Variants in QTGAL observed in about 807,000 individuals in gnomAD.
The protein encoded by QTGAL is BGnT-like protein 1.
At chr17:82,951,869 A>T in the QTGAL span, among the ~76,000 whole-genome samples, 1 of 151,866 alleles carries the variant, frequency 6.6e-6, no homozygotes, top group African/African-American at 2.4e-5. Context: ...AATCAAGTTC[A>T]CTGATTCATA....
chr17:82,951,278 G>A, the QTGAL span, among the ~76,000 whole-genome samples: 1 of 152,184 alleles, frequency 6.6e-6, no homozygotes, highest in Non-Finnish European at 1.5e-5. Context: ...TGTGACCGTA[G>A]CATGATCTTC....
At chr17:83,018,350 A>G in the QTGAL span, among the ~76,000 whole-genome samples, 1 of 152,396 alleles carries the variant, frequency 6.6e-6, no homozygotes, top group South Asian at 2.1e-4. Context: ...CATGTACCAC[A>G]CGTGCTCCGT....
the QTGAL span, among the ~76,000 whole-genome samples, chr17:83,017,239 C>A: frequency 6.6e-6 from 1 of 152,162 alleles, no homozygotes; most frequent in Non-Finnish European, 1.5e-5. Context: ...CACAAAACTA[C>A]AGTCAGGTAA....
At chr17:83,042,293 C>A in the QTGAL span, among the ~76,000 whole-genome samples, 1 of 152,178 alleles carries the variant, frequency 6.6e-6, no homozygotes, top group Non-Finnish European at 1.5e-5. Flanking sequence ...CTTGAACCTA[C>A]TGGGTGGAGG....
the QTGAL span, chr17:82,947,360 GGGA>G: frequency 4.5e-6 from 1 of 221,176 alleles, no homozygotes; most frequent in Non-Finnish European, 8.9e-6. Context: ...GGCCAGGAGT[GGGA>G]GGAGGCCCCT....
At chr17:82,950,221 A>G in the QTGAL span, among the ~76,000 whole-genome samples, 9 of 152,212 alleles carry the variant, frequency 5.9e-5, no homozygotes, top group Non-Finnish European at 1.0e-4. Flanking sequence ...TGTGCAGGAC[A>G]AGGAGGAACC....
the QTGAL span, among the ~76,000 whole-genome samples, chr17:83,039,988 C>T: frequency 6.6e-6 from 1 of 152,184 alleles, no homozygotes; most frequent in African/African-American, 2.4e-5. Flanking sequence ...ACCGTAAACC[C>T]TCAGCCGCTT....
chr17:82,970,789 G>A, the QTGAL span, among the ~76,000 whole-genome samples: 1 of 152,208 alleles, frequency 6.6e-6, no homozygotes, highest in Non-Finnish European at 1.5e-5. Context: ...ATGACATTCT[G>A]GAGACTTGGT....
the QTGAL span, among the ~76,000 whole-genome samples, chr17:82,991,948 A>T: frequency 1.2e-4 from 18 of 152,338 alleles, no homozygotes; most frequent in South Asian, 3.1e-3. Context: ...TTTTAATAGC[A>T]GAATTGATCA....
the QTGAL span, among the ~76,000 whole-genome samples, chr17:83,031,900 G>A: frequency 1.5e-4 from 23 of 152,230 alleles, no homozygotes; most frequent in Non-Finnish European, 2.4e-4. Context: ...AAACCCCAAC[G>A]TCCTTCGAGG....
the QTGAL span, among the ~76,000 whole-genome samples, chr17:83,024,632 C>A: frequency 6.6e-6 from 1 of 152,230 alleles, no homozygotes; most frequent in East Asian, 1.9e-4. Flanking sequence ...GGACTCTGGC[C>A]CAGGGGTGAA....
the QTGAL span, among the ~76,000 whole-genome samples, chr17:82,995,501 G>A: frequency 6.6e-6 from 1 of 151,538 alleles, no homozygotes; most frequent in African/African-American, 2.4e-5. Context: ...TCCTGCCTCA[G>A]CCTCCCAAGT....
chr17:82,948,308 TGG>T, the QTGAL span: 6 of 152,252 alleles, frequency 3.9e-5, no homozygotes, highest in Non-Finnish European at 7.3e-5. Context: ...CCTCTGGCTC[TGG>T]GCATGTTCCT....
the QTGAL span, chr17:83,014,382 A>C: frequency 6.6e-7 from 1 of 1,524,550 alleles, no homozygotes; most frequent in East Asian, 2.3e-5. Context: ...CCCTAGGAAA[A>C]CTCTTTATTT....
At chr17:83,007,272 G>A in the QTGAL span, 10 of 985,186 alleles carry the variant, frequency 1.0e-5, no homozygotes, top group South Asian at 9.4e-5. Context: ...CTCTGGAGCC[G>A]CCGCCCTGCC....
At chr17:82,991,336 T>C in the QTGAL span, among the ~76,000 whole-genome samples, 2 of 152,182 alleles carry the variant, frequency 1.3e-5, no homozygotes, top group Non-Finnish European at 2.9e-5. Flanking sequence ...GATAACTGAA[T>C]CATGAGGGCA....
the QTGAL span, among the ~76,000 whole-genome samples, chr17:83,044,482 C>A: frequency 6.6e-6 from 1 of 152,176 alleles, no homozygotes; most frequent in Non-Finnish European, 1.5e-5. Context: ...AAAAGGAAAC[C>A]TCCTTAGCGT....
chr17:82,951,719 T>A, the QTGAL span, among the ~76,000 whole-genome samples: 177 of 144,054 alleles, frequency 1.2e-3, 1 homozygote, highest in African/African-American at 4.4e-3. Flanking sequence ...TCCTTTCACT[T>A]GAACACTTAG....
chr17:82,945,831 T>G, the QTGAL span: 1 of 152,294 alleles, frequency 6.6e-6, no homozygotes, highest in East Asian at 1.9e-4. Flanking sequence ...TGGATAAACT[T>G]TAGGCAGGAG....
Sources: allele counts gnomAD v4.1 joint callset (sites outside exome capture counted in the v4.1 genomes callset), GRCh38; gene constraint gnomAD v4.1.1; transcripts MANE v1.5; gene names NCBI Gene and HGNC (gene_info 2026-07-23, HGNC 2026-07-21).